Variants in RBL1 observed in about 807,000 individuals in gnomAD.
RBL1 encodes RB transcriptional corepressor like 1.
Under a neutral mutation model 123.0 loss-of-function variants are expected in RBL1, and 82 were observed. That is an observed-to-expected ratio of 0.67 (90% confidence interval 0.56 to 0.80). RBL1 has a LOEUF of 0.80. RBL1 is among the 30% of genes least tolerant of loss of function. RBL1 has a pLI of 0.00. For missense variants in RBL1, 1,171 were observed against 1,299.6 expected (o/e 0.90, Z 1.52); for synonymous variants, 405 against 441.3 (o/e 0.92, Z 1.03).
intron 20 of RBL1, among the ~76,000 whole-genome samples, chr20:37,005,495 A>G (rs1050945941): frequency 6.6e-6 from 1 of 152,146 alleles, no homozygotes; most frequent in Non-Finnish European, 1.5e-5. Context: ...ACCTGCTCAC[A>G]ACCAAAGCAG....
intron 2 of RBL1, among the ~76,000 whole-genome samples, chr20:37,076,278 C>T (rs1391580287): frequency 6.6e-6 from 1 of 152,092 alleles, no homozygotes; most frequent in Non-Finnish European, 1.5e-5. Flanking sequence ...ACGCATATAC[C>T]TATGATAAAG....
chr20:37,075,750 C>T (rs2065353940), intron 2 of RBL1, among the ~76,000 whole-genome samples: 1 of 152,086 alleles, frequency 6.6e-6, no homozygotes, highest in Non-Finnish European at 1.5e-5. Flanking sequence ...GCCACTGCAC[C>T]GGCCTAATTT....
chr20:37,050,994 G>T (rs899679765), intron 11 of RBL1, among the ~76,000 whole-genome samples: 2 of 151,992 alleles, frequency 1.3e-5, no homozygotes, highest in African/African-American at 4.8e-5. Flanking sequence ...TGTCAATCTA[G>T]AATTCTTTTC....
chr20:37,075,240 G>T (rs1354648333), intron 2 of RBL1, among the ~76,000 whole-genome samples: 1 of 152,136 alleles, frequency 6.6e-6, no homozygotes, highest in African/African-American at 2.4e-5. Flanking sequence ...GCTAACAGGG[G>T]TTTCTTTTTG....
At chr20:37,088,798 G>A (rs1458671056) in intron 2 of RBL1, among the ~76,000 whole-genome samples, 191 bp downstream of exon 2, 1 of 152,046 alleles carries the variant, frequency 6.6e-6, no homozygotes, top group Non-Finnish European at 1.5e-5. Flanking sequence ...AGGAGGCAGA[G>A]ATTGCAGTAA....
intron 12 of RBL1, among the ~76,000 whole-genome samples, chr20:37,045,188 T>G (rs73620258): frequency 5.3e-5 from 8 of 151,550 alleles, no homozygotes; most frequent in Non-Finnish European, 1.2e-4. Context: ...CTCACTGCAA[T>G]CTCTGCCTCC....
At chr20:37,031,905 C>CA (rs1432352053) in intron 16 of RBL1, among the ~76,000 whole-genome samples, 1 of 130,020 alleles carries the variant, frequency 7.7e-6, no homozygotes, top group Non-Finnish European at 1.6e-5. Flanking sequence ...TACCTGGCTG[C>CA]TTTTTTTTTT....
At chr20:37,054,110 C>G (rs953058942) in intron 11 of RBL1, among the ~76,000 whole-genome samples, 1 of 151,858 alleles carries the variant, frequency 6.6e-6, no homozygotes, top group Non-Finnish European at 1.5e-5. Context: ...AAAATTGTAA[C>G]CATTAGGGAA....
At chr20:37,035,038 G>C (rs1244743075) in intron 15 of RBL1, among the ~76,000 whole-genome samples, 1 of 151,954 alleles carries the variant, frequency 6.6e-6, no homozygotes, top group Non-Finnish European at 1.5e-5. Flanking sequence ...TTGGGGAAGG[G>C]GGACTATGAG....
intron 2 of RBL1, among the ~76,000 whole-genome samples, chr20:37,084,753 A>G (rs1393602654): frequency 6.6e-6 from 1 of 152,160 alleles, no homozygotes; most frequent in Non-Finnish European, 1.5e-5. Flanking sequence ...ACAAGTTTAT[A>G]TATTTGTACA....
intron 21 of RBL1, among the ~76,000 whole-genome samples, chr20:37,001,302 G>T (rs2063975845): frequency 6.6e-6 from 1 of 152,070 alleles, no homozygotes; most frequent in South Asian, 2.1e-4. Context: ...GACAATGGCG[G>T]TTTTGTGGAA....
intron 2 of RBL1, among the ~76,000 whole-genome samples, chr20:37,075,238 G>T (rs1231546179): frequency 1.3e-5 from 2 of 152,132 alleles, no homozygotes; most frequent in East Asian, 3.8e-4. Flanking sequence ...ATGCTAACAG[G>T]GGTTTCTTTT....
intron 1 of RBL1, 82 bp downstream of exon 1, chr20:37,095,691 A>G: frequency 7.6e-7 from 1 of 1,307,318 alleles, no homozygotes; most frequent in Non-Finnish European, 1.0e-6. Context: ...AACTCCCACC[A>G]CCCCATAGGC....
rs531421641 is a variant in RBL1 at position 37,090,006 on chromosome 20, C to T, written c.157-884G>A. The stretch of plus-strand genomic sequence containing the variant: ...GGCAGAGGTTGCAGTGAGTAGAGAT[C>T]GTGCCACTACAGTCTAGCCTGGGCA... On this transcript the variant is annotated intron_variant, in intron 1 of 21. Transcript: ENST00000373664. Among the ~76,000 whole-genome samples the T allele has an allele frequency of 8.5e-5, 13 of 152,286 alleles. No homozygotes were observed. In the East Asian group the frequency reaches 1.9e-3, roughly 23 times the overall value.
intron 21 of RBL1, among the ~76,000 whole-genome samples, chr20:36,999,619 G>A (rs1196776032): frequency 1.3e-5 from 2 of 151,716 alleles, no homozygotes; most frequent in African/African-American, 2.4e-5. Flanking sequence ...AGCCTGCCGA[G>A]TGCCTGCGAT....
In RBL1 at chr20:36,998,112, C is replaced by T. The variant is rs2063907176; in HGVS notation, c.*647G>A. 6.6e-6 allele frequency: 1 copy of T among 151,826 alleles called. No individual in the cohort carries two copies. Among genetic ancestry groups the T allele is most frequent in the Non-Finnish European group, 1.5e-5 (1 of 68,010 alleles). The allele number at this position is 151,826 out of a possible 1,614,324, so 9.4% of individuals were successfully genotyped here. On this transcript the variant is annotated 3_prime_UTR_variant, in exon 22 of 22. Transcript: ENST00000373664. ...AAGTAGATTATTTATCCTCATATTA[C>T]AGAACACAGAAGGAGACATTTATTT... is the stretch of plus-strand genomic sequence containing the variant.
intron 10 of RBL1, 61 bp from the exon 11 acceptor site, chr20:37,055,717 G>T (rs892025531): frequency 6.9e-7 from 1 of 1,450,488 alleles, no homozygotes; most frequent in Admixed American, 2.2e-5. Flanking sequence ...GGACTGAAAA[G>T]CAAAAATTAT....
At chr20:37,081,686 C>A (rs891596619) in intron 2 of RBL1, among the ~76,000 whole-genome samples, 1 of 151,972 alleles carries the variant, frequency 6.6e-6, no homozygotes, top group African/African-American at 2.4e-5. Context: ...ACAAAAACAA[C>A]CTCAATGTTT....
At chr20:37,079,203 C>T (rs550860184) in intron 2 of RBL1, among the ~76,000 whole-genome samples, 3 of 60,056 alleles carry the variant, frequency 5.0e-5, no homozygotes, top group African/African-American at 2.0e-4. Context: ...CTGTCTCAGC[C>T]AAAAAAAAAA....
Sources: allele counts gnomAD v4.1 joint callset (sites outside exome capture counted in the v4.1 genomes callset), GRCh38; gene constraint gnomAD v4.1.1; transcripts MANE v1.5; gene names NCBI Gene and HGNC (gene_info 2026-07-23, HGNC 2026-07-21).